KSR2: variants seen among roughly 807,000 people sequenced by gnomAD.
KSR2 encodes kinase suppressor of ras 2.
A neutral mutation model predicts 107.8 loss-of-function variants in KSR2; 25 were observed. That is an observed-to-expected ratio of 0.23 (90% CI 0.17 to 0.32). The LOEUF (loss-of-function observed/expected upper bound fraction) is 0.32, where lower values mean the gene tolerates loss of function less well. Among genes scored for constraint, KSR2 ranks in the 10% least tolerant of loss-of-function variants. The pLI, the probability that KSR2 is intolerant of heterozygous loss-of-function variation, is 1.00. For missense variants in KSR2, 887 were observed against 1,268.9 expected, an observed-to-expected ratio of 0.70 and a Z score of 4.57; for synonymous variants, 480 against 507.0, an observed-to-expected ratio of 0.95 and a Z score of 0.71.
intron 4 of KSR2, among the ~76,000 whole-genome samples, chr12:117,700,843 C>T (rs138929076): frequency 3.0e-4 from 45 of 152,284 alleles, no homozygotes; most frequent in African/African-American, 8.7e-4. Context: ...CTCCCAATGT[C>T]GGTGCTACCA....
rs1329060038 is a variant in KSR2, at chr12:117,457,091, T to C, written c.*10108A>G. The stretch of plus-strand genomic sequence containing the variant: ...GCTTCTTAGAAGGGCTGTGGAAGGA[T>C]GGAGAGAATGACTGGAGATTTCAGC... On this transcript the variant is annotated 3_prime_UTR_variant, in exon 20 of 20. Coordinates refer to ENST00000339824, the MANE Select transcript of KSR2 (RefSeq NM_173598.6). 6.6e-6 allele frequency: 1 copy of C among 152,228 alleles called. No individual in the cohort carries two copies. The highest frequency in any genetic ancestry group is 1.5e-5 in the Non-Finnish European group (1 of 68,036). 9.4% of individuals were successfully genotyped at this position (152,228 alleles called of 1,614,324 possible).
intron 7 of KSR2, among the ~76,000 whole-genome samples, chr12:117,570,166 C>A (rs560894530): frequency 5.3e-4 from 81 of 152,278 alleles, no homozygotes; most frequent in African/African-American, 1.9e-3. Flanking sequence ...CCGCGCCCGG[C>A]TAATTTTTTG....
intron 3 of KSR2, among the ~76,000 whole-genome samples, chr12:117,845,793 AC>A (rs1892683380): frequency 6.8e-6 from 1 of 147,336 alleles, no homozygotes. Flanking sequence ...TGATTCTCCC[AC>A]CTCAGCCTCC....
intron 1 of KSR2, among the ~76,000 whole-genome samples, chr12:117,880,713 CTT>C (rs545456495): frequency 1.9e-3 from 226 of 116,688 alleles, no homozygotes; most frequent in African/African-American, 5.6e-3. Context: ...TTGCCAGATT[CTT>C]TTTTTTTTTT....
intron 7 of KSR2, among the ~76,000 whole-genome samples, chr12:117,566,861 T>C (rs1272534387): frequency 6.6e-6 from 1 of 152,208 alleles, no homozygotes; most frequent in Non-Finnish European, 1.5e-5. Flanking sequence ...AGCATGAACA[T>C]CTCTCTACTC....
At chr12:117,873,938 G>A (rs4767631) in intron 1 of KSR2, among the ~76,000 whole-genome samples, 77,462 of 151,984 alleles carry the variant, frequency 0.51, 21,916 homozygotes, top group East Asian at 0.87. Context: ...TGATGGAGTA[G>A]TCTTATGTCT....
At chr12:117,930,430 C>G (rs1282876104) in intron 1 of KSR2, among the ~76,000 whole-genome samples, 1 of 152,082 alleles carries the variant, frequency 6.6e-6, no homozygotes, top group Non-Finnish European at 1.5e-5. Flanking sequence ...CAGAAATCAC[C>G]CAATTTTATT....
intron 5 of KSR2, among the ~76,000 whole-genome samples, chr12:117,628,258 C>G (rs1338580749): frequency 1.3e-5 from 2 of 152,170 alleles, no homozygotes; most frequent in East Asian, 3.9e-4. Flanking sequence ...GAGCTGCAAT[C>G]CTTTGGAGGA....
intron 7 of KSR2, among the ~76,000 whole-genome samples, chr12:117,568,275 AG>A (rs1261707561): frequency 6.6e-6 from 1 of 152,236 alleles, no homozygotes; most frequent in African/African-American, 2.4e-5. Context: ...CAGAACACAA[AG>A]ATCCATTTGT....
chr12:117,555,652 G>T (rs2137337805), intron 8 of KSR2, among the ~76,000 whole-genome samples: 1 of 152,316 alleles, frequency 6.6e-6, no homozygotes, highest in African/African-American at 2.4e-5. Context: ...ATGGTGCCCT[G>T]TCCCTAACTT....
intron 3 of KSR2, among the ~76,000 whole-genome samples, chr12:117,781,195 C>T (rs1031322650): frequency 6.6e-6 from 1 of 152,218 alleles, no homozygotes; most frequent in Admixed American, 6.5e-5. Context: ...GCTTTTCCTT[C>T]GTCTTCCGCC....
intron 1 of KSR2, among the ~76,000 whole-genome samples, chr12:117,871,457 C>T (rs896315319): frequency 2.0e-5 from 3 of 151,956 alleles, no homozygotes; most frequent in East Asian, 1.9e-4. Flanking sequence ...GGTGTGGTGG[C>T]GTACACCTGT....
intron 1 of KSR2, among the ~76,000 whole-genome samples, chr12:117,944,126 C>G (rs1418519370): frequency 6.6e-6 from 1 of 152,170 alleles, no homozygotes; most frequent in Non-Finnish European, 1.5e-5. Flanking sequence ...CCTGTAATCC[C>G]AGCACTTTGG....
intron 6 of KSR2, among the ~76,000 whole-genome samples, chr12:117,580,641 T>C (rs371313162): frequency 5.9e-5 from 9 of 152,334 alleles, no homozygotes; most frequent in African/African-American, 1.2e-4. Flanking sequence ...GGGAGAAACA[T>C]AGGGAGAGAC....
chr12:117,838,837 T>C (rs1892348883), intron 3 of KSR2, among the ~76,000 whole-genome samples: 1 of 152,198 alleles, frequency 6.6e-6, no homozygotes, highest in Non-Finnish European at 1.5e-5. Context: ...GCTTGGTCTT[T>C]TACAAAAAGG....
chr12:117,694,819 G>A (rs980083944), intron 4 of KSR2, among the ~76,000 whole-genome samples: 2 of 146,706 alleles, frequency 1.4e-5, no homozygotes, highest in South Asian at 4.3e-4. Context: ...AAAAGCCAGT[G>A]ACAAAAGGAC....
At chr12:117,861,854 G>A (rs1265983681) in intron 1 of KSR2, among the ~76,000 whole-genome samples, 1 of 152,076 alleles carries the variant, frequency 6.6e-6, no homozygotes, top group African/African-American at 2.4e-5. Flanking sequence ...CCTCTGGAGG[G>A]ATCCCATAAC....
rs1036038316 is a variant in KSR2, at chr12:117,457,089, G to T, written c.*10110C>A. Reference sequence around the variant, plus strand: ...CTGCTTCTTAGAAGGGCTGTGGAAGGATGGAGAGAATGACTGGAGATTTCA... The same window carrying T: ...CTGCTTCTTAGAAGGGCTGTGGAAGTATGGAGAGAATGACTGGAGATTTCA... On this transcript the variant is annotated 3_prime_UTR_variant, in exon 20 of 20. Coordinates refer to ENST00000339824, the MANE Select transcript of KSR2 (RefSeq NM_173598.6). 6.6e-6 allele frequency: 1 copy of T among 152,276 alleles called. No homozygotes were observed. Among genetic ancestry groups the T allele is most frequent in the Non-Finnish European group, 1.5e-5 (1 of 68,062 alleles). The allele number at this position is 152,276 out of a possible 1,614,324, so 9.4% of individuals were successfully genotyped here.
chr12:117,863,581 A>T (rs1893381209), intron 1 of KSR2, among the ~76,000 whole-genome samples: 1 of 152,062 alleles, frequency 6.6e-6, no homozygotes, highest in African/African-American at 2.4e-5. Context: ...CATCGAATCC[A>T]CCTCCTTGAG....
Sources: allele counts gnomAD v4.1 joint callset (sites outside exome capture counted in the v4.1 genomes callset), GRCh38; gene constraint gnomAD v4.1.1; transcripts MANE v1.5; gene names NCBI Gene and HGNC (gene_info 2026-07-23, HGNC 2026-07-21).